PDE7B: variants seen among roughly 807,000 people sequenced by gnomAD.
PDE7B encodes phosphodiesterase 7B, also known as 3',5'-cyclic-AMP phosphodiesterase 7B.
In PDE7B, 29 loss-of-function variants were observed where a neutral mutation model predicts 56.2. That is an observed-to-expected ratio of 0.52 (90% CI 0.38 to 0.70). PDE7B has a LOEUF of 0.70. Ranked by LOEUF, PDE7B falls within the 30% of genes least tolerant of loss-of-function variation. The probability of loss-of-function intolerance (pLI) is 0.00; values close to 1 mark genes in which losing one functional copy is unlikely to be tolerated. For synonymous variants in PDE7B, 197 were observed against 196.9 expected, an observed-to-expected ratio of 1.00 and a Z score of 0.00; for missense variants, 490 against 565.0, an observed-to-expected ratio of 0.87 and a Z score of 1.35.
chr6:135,892,504 T>C (rs1034766224), intron 1 of PDE7B, among the ~76,000 whole-genome samples: 4 of 152,218 alleles, frequency 2.6e-5, no homozygotes, highest in South Asian at 2.1e-4. Flanking sequence ...AGATATTTCC[T>C]ATACTTTCTA....
chr6:136,009,630 C>T (rs1388792889), intron 2 of PDE7B, among the ~76,000 whole-genome samples: 19 of 151,702 alleles, frequency 1.3e-4, no homozygotes, highest in Non-Finnish European at 2.2e-4. Flanking sequence ...GATTTGGCTC[C>T]GTTTGTCTGT....
chr6:135,981,446 T>C (rs1378904443), intron 2 of PDE7B, among the ~76,000 whole-genome samples: 1 of 151,266 alleles, frequency 6.6e-6, no homozygotes, highest in African/African-American at 2.4e-5. Flanking sequence ...ATAATAATAA[T>C]AATAAAAACA....
intron 1 of PDE7B, among the ~76,000 whole-genome samples, chr6:135,874,209 G>A (rs1775446193): frequency 1.3e-5 from 2 of 152,144 alleles, no homozygotes; most frequent in South Asian, 4.1e-4. Flanking sequence ...AATGCCTGGA[G>A]GTGGGAATGC....
intron 2 of PDE7B, among the ~76,000 whole-genome samples, chr6:136,056,563 C>T (rs1319795254): frequency 1.2e-5 from 1 of 85,764 alleles, no homozygotes; most frequent in South Asian, 3.9e-4. Flanking sequence ...AAGAGTTTTG[C>T]CCTTGTTGCC....
chr6:136,131,509 T>G (rs972545424), intron 3 of PDE7B, among the ~76,000 whole-genome samples: 14 of 147,518 alleles, frequency 9.5e-5, no homozygotes, highest in Non-Finnish European at 1.8e-4. Context: ...TTTTTTTTTT[T>G]TTTTTTTTTT....
At chr6:136,124,259 T>C (rs2128443735) in intron 3 of PDE7B, among the ~76,000 whole-genome samples, 1 of 152,210 alleles carries the variant, frequency 6.6e-6, no homozygotes, top group South Asian at 2.1e-4. Context: ...GGTGGAAGAA[T>C]TTAAAAATTT....
At chr6:136,070,456 CTATAA>C (rs1191605462) in intron 2 of PDE7B, 5 of 152,140 alleles carry the variant, frequency 3.3e-5, no homozygotes, top group African/African-American at 4.8e-5. Context: ...TTTTATATGA[CTATAA>C]TATGTCATTC....
At chr6:136,100,073 C>T (rs1284746725) in intron 2 of PDE7B, among the ~76,000 whole-genome samples, 1 of 152,164 alleles carries the variant, frequency 6.6e-6, no homozygotes, top group African/African-American at 2.4e-5. Context: ...TGTCAAAGAT[C>T]AGATGGTTGT....
chr6:136,019,432 T>C lies in PDE7B; in HGVS notation c.82+71908T>C, dbSNP rs1417243834. Among the ~76,000 whole-genome samples, 4 of 152,130 alleles carry C rather than the reference T, an allele frequency of 2.6e-5. No homozygotes were observed. The East Asian group carries it at 7.7e-4, about 29-fold the overall frequency. On this transcript the variant is annotated intron_variant, in intron 2 of 12. Transcript: ENST00000308191. ...GGCCATCAAACTGTCAAAGCATACCTATCAGGGCTGGCATCGACACTGTAA... is the reference window on the plus strand; with the variant it reads ...GGCCATCAAACTGTCAAAGCATACCCATCAGGGCTGGCATCGACACTGTAA...
chr6:136,140,101 T>C (rs1778292855), intron 3 of PDE7B, among the ~76,000 whole-genome samples: 1 of 152,224 alleles, frequency 6.6e-6, no homozygotes, highest in Non-Finnish European at 1.5e-5. Flanking sequence ...TTTATGGTTT[T>C]AGGTCTAACA....
intron 1 of PDE7B, among the ~76,000 whole-genome samples, chr6:135,923,705 C>G (rs1441440701): frequency 6.6e-6 from 1 of 151,970 alleles, no homozygotes. Flanking sequence ...AATGAGAGAG[C>G]AAATGTCAAA....
At chr6:136,117,181 A>G (rs1012280181) in intron 3 of PDE7B, 2 of 152,228 alleles carry the variant, frequency 1.3e-5, no homozygotes, top group Non-Finnish European at 2.9e-5. Flanking sequence ...TTCTGGAGAC[A>G]TTAAAATATA....
chr6:135,875,113 T>A (rs1224708107), intron 1 of PDE7B, among the ~76,000 whole-genome samples: 2 of 152,032 alleles, frequency 1.3e-5, no homozygotes, highest in African/African-American at 4.8e-5. Flanking sequence ...TTTCTGTGAG[T>A]GCATATTCTT....
intron 3 of PDE7B, among the ~76,000 whole-genome samples, chr6:136,133,009 TAA>T (rs1272592316): frequency 6.6e-6 from 1 of 152,104 alleles, no homozygotes; most frequent in African/African-American, 2.4e-5. Context: ...TATTTACACT[TAA>T]AGAGTTATAT....
At chr6:136,132,942 T>G (rs1165849028) in intron 3 of PDE7B, among the ~76,000 whole-genome samples, 2 of 152,112 alleles carry the variant, frequency 1.3e-5, no homozygotes, top group South Asian at 4.1e-4. Flanking sequence ...CCGTGGGCAC[T>G]AAGAGAGAAA....
intron 2 of PDE7B, among the ~76,000 whole-genome samples, chr6:135,959,810 G>A (rs1357752626): frequency 6.6e-6 from 1 of 151,964 alleles, no homozygotes; most frequent in Non-Finnish European, 1.5e-5. Context: ...GTCTCAGTTT[G>A]TTACCCAGGC....
chr6:136,185,591 TA>T lies in PDE7B; in HGVS notation c.1046-1435del, dbSNP rs573077556. ...GCAACGTAGAGATCCTATCTCTATT[TA>T]AAAAAAAAATGAACAAAACAATATT... is the stretch of plus-strand genomic sequence containing the variant. On this transcript the variant is annotated intron_variant, in intron 11 of 12. Transcript: ENST00000308191. 7.0e-4 allele frequency among the ~76,000 whole-genome samples: 105 copies of T among 149,394 alleles called. 2 individuals are homozygous for T. Among genetic ancestry groups the T allele is most frequent in the African/African-American group, 2.1e-3 (88 of 40,942 alleles).
chr6:136,146,149 T>C (rs1253573774), intron 3 of PDE7B, among the ~76,000 whole-genome samples: 1 of 152,202 alleles, frequency 6.6e-6, no homozygotes, highest in Non-Finnish European at 1.5e-5. Flanking sequence ...TTGTGATTTT[T>C]GAGTTCCACA....
intron 1 of PDE7B, among the ~76,000 whole-genome samples, chr6:135,862,119 T>C (rs1266719699): frequency 6.6e-6 from 1 of 151,830 alleles, no homozygotes; most frequent in Non-Finnish European, 1.5e-5. Context: ...CTGGATAGGA[T>C]TTTCAGTATA....
Sources: gnomAD v4.1 joint callset for allele counts (sites outside exome capture counted in the v4.1 genomes callset) on GRCh38, gnomAD v4.1.1 for gene constraint, MANE v1.5 for transcripts, NCBI Gene and HGNC (gene_info 2026-07-23, HGNC 2026-07-21) for gene names.